The following ZNF230 variants were observed in gnomAD, a reference collection of about 807,000 sequenced individuals.
The protein encoded by ZNF230 is zinc finger protein FDZF2.
A neutral mutation model predicts 10.0 loss-of-function variants in ZNF230; 12 were observed. The observed-to-expected ratio is 1.20, with a 90% CI of 0.77 to 1.95. The LOEUF is 1.95. Among genes scored for constraint, ZNF230 ranks in the 30% most tolerant of loss-of-function variants. ZNF230 has a pLI of 0.00. For missense variants in ZNF230, 532 were observed against 565.8 expected (o/e 0.94, Z 0.61); for synonymous variants, 174 against 193.6 (o/e 0.90, Z 0.84).
In ZNF230 at chr19:44,011,143, G is replaced by T; in HGVS notation, c.1104G>T (p.Glu368Asp). ...GAGAAAAACCATACAGATGTGAGGA[G>T]TGTGGGAAGGGCTACATTAGTAAGT... ...HSGEKPYRCE[E>D]CGKGYISKSG... The change falls in exon 5 of 5, where the codon GAG becomes GAT. Residue 368 changes from glutamate to aspartate, a missense_variant. Physicochemically the swap from Glu to Asp is conservative, Grantham distance 45 (BLOSUM62 2). Coordinates refer to ENST00000429154, the MANE Select transcript of ZNF230 (RefSeq NM_006300.4). 6.2e-7 allele frequency: 1 copy of T among 1,614,214 alleles called. No homozygotes were observed. Among genetic ancestry groups the T allele is most frequent in the Non-Finnish European group, 8.5e-7 (1 of 1,180,022 alleles).
chr19:44,009,542 C>A (rs1159362578), intron 4 of ZNF230, among the ~76,000 whole-genome samples: 1 of 152,198 alleles, frequency 6.6e-6, no homozygotes. Flanking sequence ...TCTTTTCCAG[C>A]CACGTTGTCC....
In ZNF230 at chr19:44,010,586, CT is replaced by C. The variant is rs753728928; in HGVS notation, c.549del (p.Arg184ValfsTer8). 6.2e-7 allele frequency: 1 copy of C among 1,614,198 alleles called. No homozygotes were observed. Among genetic ancestry groups the C allele is most frequent in the Non-Finnish European group, 8.5e-7 (1 of 1,180,038 alleles). On this transcript the variant is annotated frameshift_variant, in exon 5 of 5. Transcript: ENST00000429154. LOFTEE classifies it low-confidence loss of function (END_TRUNC). ...CGKSFCYISA[L>X]RIHQRVHLRE... ...AAAAAGCTTCTGTTACATCTCAGCTCTTCGTATTCACCAGAGAGTTCACTTG... is the reference window on the plus strand; with the variant it reads ...AAAAAGCTTCTGTTACATCTCAGCTCTCGTATTCACCAGAGAGTTCACTTG...
At position 44,008,884 on chromosome 19, in the gene ZNF230, T is replaced by A; in HGVS notation, c.110T>A (p.Met37Lys). Reference sequence around the variant, plus strand: ...CAGAGGAAGCTGTACCAAGACGTGATGCTTGAGAACTTCACGAACCTGCTG... The same window carrying A: ...CAGAGGAAGCTGTACCAAGACGTGAAGCTTGAGAACTTCACGAACCTGCTG... ...PAQRKLYQDV[M>K]LENFTNLLSV... Residue 37 changes from methionine to lysine, a missense_variant, in exon 3 of 5, where the codon ATG becomes AAG. Met to Lys is a moderately conservative substitution (Grantham distance 95, BLOSUM62 -1). Coordinates refer to ENST00000429154, the MANE Select transcript of ZNF230 (RefSeq NM_006300.4). The A allele has an allele frequency of 1.2e-6, 2 of 1,614,144 alleles. No individual in the cohort carries two copies. Among genetic ancestry groups the A allele is most frequent in the South Asian group, 1.1e-5 (1 of 91,086 alleles).
intron 1 of ZNF230, chr19:44,003,567 TTCTGACC>T (rs1286562461): frequency 6.5e-6 from 1 of 153,190 alleles, no homozygotes; most frequent in Non-Finnish European, 1.5e-5. Flanking sequence ...CCGGGAGGCC[TTCTGACC>T]TCTTTTTAGG....
Position 44,012,001 on chromosome 19 carries a change from A to G in ZNF230, c.*537A>G. On this transcript the variant is annotated 3_prime_UTR_variant, in exon 5 of 5. Coordinates refer to ENST00000429154, the MANE Select transcript of ZNF230 (RefSeq NM_006300.4). ...TGATGGACACATAGGTGGGTTCCAT[A>G]TCTTAACTATTGTGAAGAATAGTGC... 1 of 187,396 alleles carries G rather than the reference A, an allele frequency of 5.3e-6. No individual in the cohort carries two copies. Among genetic ancestry groups the G allele is most frequent in the Non-Finnish European group, 1.1e-5 (1 of 90,142 alleles). The allele number at this position is 187,396 out of a possible 1,614,324, so 11.6% of individuals were successfully genotyped here.
chr19:44,008,767 G>A, intron 2 of ZNF230, 23 bp from the exon 3 acceptor site: 2 of 1,612,318 alleles, frequency 1.2e-6, no homozygotes, highest in African/African-American at 2.7e-5. Context: ...TAGGATTGAG[G>A]TTATGTATCC....
chr19:44,009,144 C>T lies in ZNF230; in HGVS notation c.203C>T (p.Thr68Ile). The T allele has an allele frequency of 2.5e-6, 4 of 1,614,200 alleles. No individual in the cohort carries two copies. The highest frequency in any genetic ancestry group is 3.4e-6 in the Non-Finnish European group (4 of 1,180,036). ...LREEKFWMME[T>I]ATQREGNSGG... ...GAAGAAAAGTTTTGGATGATGGAGACAGCAACCCAAAGAGAAGGAAATTCA... is the reference window on the plus strand; with the variant it reads ...GAAGAAAAGTTTTGGATGATGGAGATAGCAACCCAAAGAGAAGGAAATTCA... Residue 68 changes from threonine to isoleucine, a missense_variant, in exon 4 of 5, where the codon ACA becomes ATA. Transcript: ENST00000429154.
intron 1 of ZNF230, chr19:44,006,630 C>A (rs79625922): frequency 0.022 from 3,386 of 153,378 alleles, 138 homozygotes; most frequent in African/African-American, 0.078. Context: ...ACCTCATTCT[C>A]ACCCCAAATC....
At chr19:44,007,791 G>T (rs866335067) in intron 2 of ZNF230, among the ~76,000 whole-genome samples, 1 of 151,952 alleles carries the variant, frequency 6.6e-6, no homozygotes, top group Non-Finnish European at 1.5e-5. Flanking sequence ...TCCAGCCTGC[G>T]CCCCCAGGCT....
Position 44,013,088 on chromosome 19 carries a change from G to A in ZNF230, c.*1624G>A, listed in dbSNP as rs1395166646. Reference sequence around the variant, plus strand: ...CAAAATTTATAGTAATACTTTTTACGTGGCAGATGTAGTTACGTTGGAAAA... The same window carrying A: ...CAAAATTTATAGTAATACTTTTTACATGGCAGATGTAGTTACGTTGGAAAA... On this transcript the variant is annotated 3_prime_UTR_variant, in exon 5 of 5. Coordinates refer to ENST00000429154, the MANE Select transcript of ZNF230 (RefSeq NM_006300.4). 2 of 152,118 alleles carry A rather than the reference G, an allele frequency of 1.3e-5. No homozygotes were observed. Among genetic ancestry groups the A allele is most frequent in the Admixed American group, 6.5e-5 (1 of 15,278 alleles). The allele number at this position is 152,118 out of a possible 1,614,324, so 9.4% of individuals were successfully genotyped here.
rs1258514698 is a variant in ZNF230, at chr19:44,010,909, C to T, written c.870C>T (p.Cys290=). 4 of 1,614,046 alleles carry T rather than the reference C, an allele frequency of 2.5e-6. No homozygotes were observed. Among genetic ancestry groups the T allele is most frequent in the Non-Finnish European group, 3.4e-6 (4 of 1,180,036 alleles). ...GTGAAATATGTGGTAAGAGCTTCTG[C>T]CTTAGGTCAAGTCTTAATAGGCATT... The part of the protein sequence containing the change: ...FKCEICGKSF[C]LRSSLNRHCM... The change falls in exon 5 of 5, where the codon TGC becomes TGT. Residue 290 remains cysteine (C), a synonymous_variant. Coordinates refer to ENST00000429154, the MANE Select transcript of ZNF230 (RefSeq NM_006300.4).
rs962117281 is a variant in ZNF230 at position 44,011,734 on chromosome 19, AC to A, written c.*274del. On this transcript the variant is annotated 3_prime_UTR_variant, in exon 5 of 5. Transcript: ENST00000429154. ...ACCCAATCTTTGGCTATCTCACCTAACCCCTACACTTCCCTGCTTCTAGAAC... is the reference window on the plus strand; with the variant it reads ...ACCCAATCTTTGGCTATCTCACCTAACCCTACACTTCCCTGCTTCTAGAAC... 1.8e-5 allele frequency: 6 copies of A among 331,588 alleles called. No individual in the cohort carries two copies. The highest frequency in any genetic ancestry group is 3.4e-5 in the Non-Finnish European group (6 of 178,784). 20.5% of individuals were successfully genotyped at this position (331,588 alleles called of 1,614,324 possible).
chr19:44,006,388 T>C (rs1232831171), intron 1 of ZNF230, among the ~76,000 whole-genome samples: 1 of 152,232 alleles, frequency 6.6e-6, no homozygotes, highest in Non-Finnish European at 1.5e-5. Context: ...ATTTGTTTGT[T>C]CAAGTATAAA....
At chr19:44,008,689 T>C in intron 2 of ZNF230, 101 bp from the exon 3 acceptor site, 1 of 1,413,354 alleles carries the variant, frequency 7.1e-7, no homozygotes, top group Non-Finnish European at 9.6e-7. Flanking sequence ...GTGGGAAATC[T>C]ATAAGTTGAC....
rs7256345 is a variant in ZNF230, at chr19:44,006,753, T to G, written c.-68-258T>G. On this transcript the variant is annotated intron_variant, in intron 1 of 4. Coordinates refer to ENST00000429154, the MANE Select transcript of ZNF230 (RefSeq NM_006300.4). ...TTTGGTGACTGGCTTCTTTCTCTTA[T>G]GATGTTTCCAAGGTTTGTGCATGTT... 132,138 of 211,150 alleles carry G rather than the reference T, an allele frequency of 0.63. 42,680 individuals carry two copies. Among genetic ancestry groups the G allele is most frequent in the Non-Finnish European group, 0.69 (73,634 of 105,966 alleles). The allele number at this position is 211,150 out of a possible 1,614,324, so 13.1% of individuals were successfully genotyped here. A position where few individuals can be genotyped will look rare whatever the true frequency, so the allele number is the denominator to read the frequency against.
chr19:44,011,332 C>T lies in ZNF230; in HGVS notation c.1293C>T (p.His431=), dbSNP rs1976180801. 1.2e-6 allele frequency: 2 copies of T among 1,613,886 alleles called. No individual in the cohort carries two copies. Among genetic ancestry groups the T allele is most frequent in the Non-Finnish European group, 1.7e-6 (2 of 1,179,942 alleles). Residue 431 remains histidine (H), a synonymous_variant, in exon 5 of 5, where the codon CAC becomes CAT. Coordinates refer to ENST00000429154, the MANE Select transcript of ZNF230 (RefSeq NM_006300.4). ...AGGATTGTGGAAAGAGGCTTGTACA[C>T]CGGTCTTTCTGTAAAGACCAACAAG... The part of the protein sequence containing the change: ...KCEDCGKRLV[H]RSFCKDQQGD...
At chr19:44,009,335 G>A (rs1314680579) in intron 4 of ZNF230, 165 bp downstream of exon 4, 1 of 748,200 alleles carries the variant, frequency 1.3e-6, no homozygotes, top group African/African-American at 1.8e-5. Context: ...CTTCCACCCT[G>A]ACATCTATTT....
At chr19:44,003,729 C>T (rs947416036) in intron 1 of ZNF230, 1 of 217,026 alleles carries the variant, frequency 4.6e-6, no homozygotes, top group East Asian at 1.1e-4. Context: ...TTCTTGGCTA[C>T]TGAGGGCAAA....
At position 44,013,622 on chromosome 19, in the gene ZNF230, G is replaced by C. The variant is rs1255503988; in HGVS notation, c.*2158G>C. On this transcript the variant is annotated 3_prime_UTR_variant, in exon 5 of 5. Transcript: ENST00000429154. ...TGAGGGAACCAGACATACAGTAAAA[G>C]GAGAAAAACATAATGTGAGCTTTGT... 1.3e-5 allele frequency: 2 copies of C among 152,226 alleles called. No individual in the cohort carries two copies. Among genetic ancestry groups the C allele is most frequent in the Non-Finnish European group, 2.9e-5 (2 of 68,008 alleles). The allele number at this position is 152,226 out of a possible 1,614,324, so 9.4% of individuals were successfully genotyped here.
Sources: allele counts gnomAD v4.1 joint callset (sites outside exome capture counted in the v4.1 genomes callset), GRCh38; gene constraint gnomAD v4.1.1; transcripts MANE v1.5; gene names NCBI Gene and HGNC (gene_info 2026-07-23, HGNC 2026-07-21).